GLYR1: variants seen among roughly 807,000 people sequenced by gnomAD.
GLYR1 encodes cytokine-like nuclear factor N-PAC.
In GLYR1, 21 loss-of-function variants were observed where a neutral mutation model predicts 72.7. The ratio of observed to expected loss-of-function variants is 0.29; its 90% CI spans 0.20 to 0.42. GLYR1 has a LOEUF of 0.42. Ranked by LOEUF, GLYR1 falls within the 10% of genes least tolerant of loss-of-function variation. The probability of loss-of-function intolerance (pLI) is 1.00; values close to 1 mark genes in which losing one functional copy is unlikely to be tolerated. For missense variants in GLYR1, 594 were observed against 712.1 expected, an observed-to-expected ratio of 0.83 and a Z score of 1.89; for synonymous variants, 392 against 270.2, an observed-to-expected ratio of 1.45 and a Z score of -4.42.
At chr16:4,809,399 T>C (rs1211450120) in intron 15 of GLYR1, among the ~76,000 whole-genome samples, 1 of 150,810 alleles carries the variant, frequency 6.6e-6, no homozygotes, top group Non-Finnish European at 1.5e-5. Context: ...AACATCTTGG[T>C]CAGGAGAATG....
At chr16:4,844,537 A>C (rs1164061873) in intron 3 of GLYR1, among the ~76,000 whole-genome samples, 1 of 152,234 alleles carries the variant, frequency 6.6e-6, no homozygotes, top group Non-Finnish European at 1.5e-5. Context: ...TTGGGAGGCC[A>C]AGGCAGGTGG....
chr16:4,833,082 TA>T (rs1336050596), intron 3 of GLYR1, 170 bp from the exon 4 acceptor site: 12 of 498,826 alleles, frequency 2.4e-5, no homozygotes, highest in African/African-American at 2.4e-4. Context: ...GTCTTATGTC[TA>T]AAGTATATTT....
intron 12 of GLYR1, 111 bp from the exon 13 acceptor site, chr16:4,812,359 G>C: frequency 8.3e-7 from 1 of 1,198,624 alleles, no homozygotes; most frequent in Non-Finnish European, 1.1e-6. Context: ...TTCCAGAGCT[G>C]GAGGGGACGG....
At chr16:4,845,982 G>A (rs774688902) in intron 2 of GLYR1, among the ~76,000 whole-genome samples, 192 bp downstream of exon 2, 1 of 152,192 alleles carries the variant, frequency 6.6e-6, no homozygotes, top group Non-Finnish European at 1.5e-5. Flanking sequence ...AGGGTTTAGA[G>A]AAGATTTAAT....
chr16:4,805,746 G>A (rs1024790898), intron 15 of GLYR1, among the ~76,000 whole-genome samples: 1 of 152,118 alleles, frequency 6.6e-6, no homozygotes, highest in East Asian at 1.9e-4. Flanking sequence ...AGGAGGCCAA[G>A]GTGGGTGAAT....
At position 4,847,227 on chromosome 16, in the gene GLYR1, C is replaced by A. The variant is rs1464470848; in HGVS notation, c.38+1G>T. 6.2e-7 allele frequency: 1 copy of A among 1,607,076 alleles called. No homozygotes were observed. The highest frequency in any genetic ancestry group is 1.3e-5 in the African/African-American group (1 of 74,514). On this transcript the variant is annotated splice_donor_variant, in intron 1 of 15. Coordinates refer to ENST00000321919, the MANE Select transcript of GLYR1 (RefSeq NM_032569.4). LOFTEE classifies it high-confidence loss of function. ...CGGTTGGCCCGGCCGCTCGGACTCA[C>A]CACACCAAGTCGCCGAGCCGCAGAC...
intron 2 of GLYR1, among the ~76,000 whole-genome samples, chr16:4,845,895 A>G (rs951023133): frequency 6.6e-6 from 1 of 152,264 alleles, no homozygotes. Context: ...ACATTTAAGC[A>G]TAAAGCTAAA....
intron 3 of GLYR1, among the ~76,000 whole-genome samples, chr16:4,844,329 C>T (rs946112361): frequency 6.6e-6 from 1 of 151,952 alleles, no homozygotes; most frequent in African/African-American, 2.4e-5. Flanking sequence ...CTTACTATAA[C>T]AATGTCAAAG....
chr16:4,845,882 G>C (rs1027932610), intron 2 of GLYR1, among the ~76,000 whole-genome samples: 1 of 152,072 alleles, frequency 6.6e-6, no homozygotes, highest in Non-Finnish European at 1.5e-5. Flanking sequence ...TTCTCCTTTT[G>C]TTACATTTAA....
chr16:4,845,591 A>G (rs2085959467), intron 2 of GLYR1, among the ~76,000 whole-genome samples: 1 of 152,080 alleles, frequency 6.6e-6, no homozygotes, highest in Non-Finnish European at 1.5e-5. Context: ...GACACAGGAC[A>G]TAGTGAAAAC....
chr16:4,838,414 C>T (rs1567798744), intron 3 of GLYR1, among the ~76,000 whole-genome samples: 1 of 152,122 alleles, frequency 6.6e-6, no homozygotes, highest in Non-Finnish European at 1.5e-5. Flanking sequence ...GAAAGGGCTG[C>T]TGTGAGGACT....
At chr16:4,840,408 T>C (rs1596405523) in intron 3 of GLYR1, 1 of 152,322 alleles carries the variant, frequency 6.6e-6, no homozygotes, top group African/African-American at 2.4e-5. Context: ...ATGAGGCGCA[T>C]ACAGTTTTAC....
chr16:4,813,033 G>A (rs1464697085), intron 12 of GLYR1, among the ~76,000 whole-genome samples: 1 of 151,432 alleles, frequency 6.6e-6, no homozygotes, highest in Non-Finnish European at 1.5e-5. Context: ...CACGATCACA[G>A]CTCACTGCAA....
intron 9 of GLYR1, among the ~76,000 whole-genome samples, chr16:4,820,175 G>A (rs1412593612): frequency 6.6e-6 from 1 of 152,182 alleles, no homozygotes; most frequent in Non-Finnish European, 1.5e-5. Flanking sequence ...TTTTTGTAGA[G>A]ACAGGGTTTC....
Position 4,843,722 on chromosome 16 carries a change from C to A in GLYR1, c.155+1352G>T, listed in dbSNP as rs1423873602. The A allele has an allele frequency of 6.7e-6, 7 of 1,040,496 alleles. No individual in the cohort carries two copies. The East Asian group carries it at 4.0e-4, about 60-fold the overall frequency. 64.5% of individuals were successfully genotyped at this position (1,040,496 alleles called of 1,614,324 possible). A position where few individuals can be genotyped will look rare whatever the true frequency, so the allele number is the denominator to read the frequency against. On this transcript the variant is annotated intron_variant, in intron 3 of 15. Coordinates refer to ENST00000321919, the MANE Select transcript of GLYR1 (RefSeq NM_032569.4). ...CTTTAACCGTCAGAATTAGATTTAC[C>A]AGAGAAGCCACAGACATTTTTTTCA...
At chr16:4,828,954 TG>T (rs1185656488) in intron 5 of GLYR1, among the ~76,000 whole-genome samples, 1 of 152,104 alleles carries the variant, frequency 6.6e-6, no homozygotes, top group African/African-American at 2.4e-5. Flanking sequence ...AATATCAATT[TG>T]GGAAATAGCA....
At chr16:4,841,809 C>G (rs1023225251) in intron 3 of GLYR1, among the ~76,000 whole-genome samples, 1 of 152,202 alleles carries the variant, frequency 6.6e-6, no homozygotes, top group African/African-American at 2.4e-5. Flanking sequence ...TTCCTAAGCA[C>G]AAGTTACCTC....
chr16:4,804,914 T>C lies in GLYR1; in HGVS notation c.*322A>G, dbSNP rs2082880147. ...GCCAGGCAGCAGTTTCTGGGCAGCT[T>C]CTATCCTGGGGCGAGAGCCTGTGTG... On this transcript the variant is annotated 3_prime_UTR_variant, in exon 16 of 16. Coordinates refer to ENST00000321919, the MANE Select transcript of GLYR1 (RefSeq NM_032569.4). 2.8e-6 allele frequency: 1 copy of C among 357,588 alleles called. No homozygotes were observed. Among genetic ancestry groups the C allele is most frequent in the East Asian group, 4.2e-5 (1 of 23,722 alleles). The allele number at this position is 357,588 out of a possible 1,614,324, so 22.2% of individuals were successfully genotyped here. A position where few individuals can be genotyped will look rare whatever the true frequency, so the allele number is the denominator to read the frequency against.
chr16:4,823,042 C>G, intron 6 of GLYR1, 111 bp from the exon 7 acceptor site: 1 of 889,690 alleles, frequency 1.1e-6, no homozygotes, highest in South Asian at 1.4e-5. Context: ...ATTCTGGTCT[C>G]TTTTTCACAA....
Sources: gnomAD v4.1 joint callset for allele counts (sites outside exome capture counted in the v4.1 genomes callset) on GRCh38, gnomAD v4.1.1 for gene constraint, MANE v1.5 for transcripts, NCBI Gene and HGNC (gene_info 2026-07-23, HGNC 2026-07-21) for gene names.